The following RNF32 variants were observed in gnomAD, a reference collection of about 807,000 sequenced individuals.
The protein encoded by RNF32 is ring finger protein 32.
In RNF32, 36 loss-of-function variants were observed where a neutral mutation model predicts 41.0. The ratio of observed to expected loss-of-function variants is 0.88; its 90% CI spans 0.67 to 1.16. The LOEUF (loss-of-function observed/expected upper bound fraction) is 1.16, where lower values mean the gene tolerates loss of function less well. RNF32 is among the 50% of genes most tolerant of loss of function. The pLI is 0.00. For synonymous variants in RNF32, 154 were observed against 160.9 expected, an observed-to-expected ratio of 0.96 and a Z score of 0.32; for missense variants, 413 against 436.7, an observed-to-expected ratio of 0.95 and a Z score of 0.48.
intron 7 of RNF32, among the ~76,000 whole-genome samples, chr7:156,666,096 A>G (rs1481651741): frequency 6.6e-6 from 1 of 152,188 alleles, no homozygotes; most frequent in Non-Finnish European, 1.5e-5. Context: ...AGTCTAATCA[A>G]TAGAAAGGAG....
intron 7 of RNF32, among the ~76,000 whole-genome samples, chr7:156,661,205 G>C: frequency 9.0e-6 from 1 of 111,056 alleles, no homozygotes; most frequent in Middle Eastern, 3.4e-3. Context: ...CCAGCAAGGA[G>C]TGGGCATAAG....
intron 7 of RNF32, among the ~76,000 whole-genome samples, chr7:156,660,923 A>G (rs979161537): frequency 2.6e-5 from 4 of 152,228 alleles, no homozygotes; most frequent in African/African-American, 9.6e-5. Context: ...GAAAGGCGTG[A>G]TATCTTGAAG....
intron 4 of RNF32, chr7:156,654,981 T>C (rs916203855): frequency 1.1e-5 from 3 of 277,982 alleles, no homozygotes; most frequent in Non-Finnish European, 2.0e-5. Flanking sequence ...ACAGGCCCCA[T>C]GCGGCTGTGC....
chr7:156,670,867 CCA>C lies in RNF32; in HGVS notation c.685-4828_685-4827del, dbSNP rs1360437346. Reference sequence around the variant, plus strand: ...CCTTGCATGAGGAAGGAAAATGGCCCCAGACGGGAAATCTGAGATGTCAGTGG... The same window carrying C: ...CCTTGCATGAGGAAGGAAAATGGCCCGACGGGAAATCTGAGATGTCAGTGG... On this transcript the variant is annotated intron_variant, in intron 7 of 8. Coordinates refer to ENST00000317955, the MANE Select transcript of RNF32 (RefSeq NM_030936.4). The surrounding 1 kb of genome is among the most constrained non-coding windows in gnomAD (Gnocchi z 4.3). 6.6e-6 allele frequency among the ~76,000 whole-genome samples: 1 copy of C among 152,114 alleles called. No homozygotes were observed. The highest frequency in any genetic ancestry group is 1.5e-5 in the Non-Finnish European group (1 of 68,034).
intron 6 of RNF32, 72 bp from the exon 7 acceptor site, chr7:156,658,390 A>G (rs766436745): frequency 2.2e-5 from 34 of 1,511,926 alleles, no homozygotes; most frequent in Admixed American, 3.4e-5. Flanking sequence ...CACAGGGCTT[A>G]TAACAACTAC....
At chr7:156,676,338 A>C in intron 8 of RNF32, 81 bp from the exon 9 acceptor site, 1 of 1,613,338 alleles carries the variant, frequency 6.2e-7, no homozygotes, top group Non-Finnish European at 8.5e-7. Flanking sequence ...CTCGGGGCAC[A>C]TGGTTCGCAT....
At chr7:156,663,365 C>A (rs1347170775) in intron 7 of RNF32, among the ~76,000 whole-genome samples, 6 of 151,968 alleles carry the variant, frequency 3.9e-5, no homozygotes, top group Admixed American at 3.9e-4. Flanking sequence ...TTATATAAAT[C>A]CACACATGTA....
At chr7:156,676,302 C>A in intron 8 of RNF32, 117 bp from the exon 9 acceptor site, 1 of 1,604,298 alleles carries the variant, frequency 6.2e-7, no homozygotes. Flanking sequence ...CAGAATGAAA[C>A]TTCCGCATGT....
intron 8 of RNF32, 167 bp from the exon 9 acceptor site, chr7:156,676,252 T>C: frequency 6.5e-7 from 1 of 1,537,802 alleles, no homozygotes. Context: ...TGTGTATATA[T>C]ATATGTATAT....
Position 156,654,648 on chromosome 7 carries a change from G to GCT in RNF32, c.353_354dup (p.Leu119SerfsTer60), listed in dbSNP as rs777153763. 2 of 1,613,846 alleles carry GCT rather than the reference G, an allele frequency of 1.2e-6. No individual in the cohort carries two copies. Among genetic ancestry groups the GCT allele is most frequent in the African/African-American group, 1.3e-5 (1 of 74,896 alleles). ...GATGAATGGGAGAAGGTGAAACAGCGCTCTCTCCTGCAAGGGGACTCCGTG... is the reference window on the plus strand; with the variant it reads ...GATGAATGGGAGAAGGTGAAACAGCGCTCTCTCTCCTGCAAGGGGACTCCGTG... On this transcript the variant is annotated frameshift_variant, in exon 4 of 9. Transcript: ENST00000317955. LOFTEE classifies it high-confidence loss of function.
At chr7:156,661,740 T>C (rs1314548326) in intron 7 of RNF32, among the ~76,000 whole-genome samples, 2 of 152,270 alleles carry the variant, frequency 1.3e-5, no homozygotes, top group Non-Finnish European at 2.9e-5. Flanking sequence ...TCATTTTTAT[T>C]CCACTTCGTT....
intron 7 of RNF32, chr7:156,659,478 C>T (rs1800271001): frequency 2.0e-6 from 2 of 985,302 alleles, no homozygotes; most frequent in Non-Finnish European, 2.4e-6. Context: ...TTTTTATCTT[C>T]AGTCGTTGAC....
intron 8 of RNF32, 68 bp from the exon 9 acceptor site, chr7:156,676,351 C>G: frequency 6.2e-7 from 1 of 1,613,568 alleles, no homozygotes; most frequent in Non-Finnish European, 8.5e-7. Context: ...GTTCGCATTT[C>G]AGTTTAAGTA....
At chr7:156,654,390 G>A in intron 3 of RNF32, 186 bp from the exon 4 acceptor site, 3 of 502,490 alleles carry the variant, frequency 6.0e-6, no homozygotes, top group Admixed American at 3.4e-5. Context: ...AGGGACTTGA[G>A]CATCCTTGGA....
rs778110321 is a variant in RNF32 at position 156,658,133 on chromosome 7, T to C, written c.456T>C (p.Cys152=). The change falls in exon 6 of 9, where the codon TGT becomes TGC. Residue 152 remains cysteine (C), a synonymous_variant. Transcript: ENST00000317955. ...AGTGAAATGTTTTTCTTCAGGCATG[T>C]CTTCAGGCTTTTGAAAAGTTCACAA... ...LSCSHVFHKA[C]LQAFEKFTNK... 67 of 1,612,904 alleles carry C rather than the reference T, an allele frequency of 4.2e-5. No homozygotes were observed. The highest frequency in any genetic ancestry group is 5.6e-5 in the Non-Finnish European group (66 of 1,179,620).
intron 7 of RNF32, among the ~76,000 whole-genome samples, chr7:156,667,232 G>T (rs1801467910): frequency 6.6e-6 from 1 of 152,138 alleles, no homozygotes; most frequent in Non-Finnish European, 1.5e-5. Context: ...TGCTTTTGAG[G>T]GCGGCCATAA....
At chr7:156,641,491 G>A (rs59065907) in intron 1 of RNF32, among the ~76,000 whole-genome samples, 4,518 of 152,280 alleles carry the variant, frequency 0.03, 205 homozygotes, top group East Asian at 0.12. Flanking sequence ...TATATTGAAG[G>A]ACTCACCTGG....
intron 4 of RNF32, among the ~76,000 whole-genome samples, chr7:156,656,197 T>C (rs1282662429): frequency 2.6e-5 from 4 of 152,248 alleles, no homozygotes; most frequent in Non-Finnish European, 5.9e-5. Flanking sequence ...AAATGACTCA[T>C]AGTAGGCCGA....
chr7:156,642,786 G>A (rs1039177588), intron 1 of RNF32, among the ~76,000 whole-genome samples: 2 of 152,124 alleles, frequency 1.3e-5, no homozygotes, highest in African/African-American at 2.4e-5. Context: ...GGAGGAACCC[G>A]GGGTACCTGG....
Sources: gnomAD v4.1 joint callset for allele counts (sites outside exome capture counted in the v4.1 genomes callset) on GRCh38, gnomAD v4.1.1 for gene constraint, Gnocchi (gnomAD v3.1) non-coding constraint, MANE v1.5 for transcripts, NCBI Gene and HGNC (gene_info 2026-07-23, HGNC 2026-07-21) for gene names.